The following HNRNPF variants were observed in gnomAD, a reference collection of about 807,000 sequenced individuals.
The protein encoded by HNRNPF is heterogeneous nuclear ribonucleoprotein F.
A neutral mutation model predicts 26.0 loss-of-function variants in HNRNPF; 2 were observed. That is an observed-to-expected ratio of 0.08 (90% CI 0.03 to 0.24). The LOEUF (loss-of-function observed/expected upper bound fraction) is 0.24, where lower values mean the gene tolerates loss of function less well. Among genes scored for constraint, HNRNPF ranks in the 10% least tolerant of loss-of-function variants. HNRNPF has a pLI of 1.00. For synonymous variants in HNRNPF, 234 were observed against 211.5 expected (o/e 1.11, Z -0.92); for missense variants, 299 against 539.2 (o/e 0.55, Z 4.41).
chr10:43,389,861 C>A (rs1397053320), intron 3 of HNRNPF, among the ~76,000 whole-genome samples: 1 of 152,170 alleles, frequency 6.6e-6, no homozygotes, highest in Admixed American at 6.5e-5. Context: ...GGGAGCCTAA[C>A]CTGGATTGCT....
intron 3 of HNRNPF, among the ~76,000 whole-genome samples, chr10:43,391,868 T>C (rs1838263008): frequency 2.0e-5 from 3 of 152,214 alleles, no homozygotes; most frequent in African/African-American, 7.2e-5. Flanking sequence ...TGTGCCAACT[T>C]TGCCTCTAGC....
At chr10:43,396,064 C>A (rs901046051) in intron 2 of HNRNPF, among the ~76,000 whole-genome samples, 3 of 152,214 alleles carry the variant, frequency 2.0e-5, no homozygotes, top group South Asian at 2.1e-4. Flanking sequence ...TAAAACAGAT[C>A]TGGGTGGGGG....
At chr10:43,397,669 C>A (rs1242031624) in intron 1 of HNRNPF, among the ~76,000 whole-genome samples, 1 of 152,182 alleles carries the variant, frequency 6.6e-6, no homozygotes, top group Non-Finnish European at 1.5e-5. Flanking sequence ...ATTTTTTTAA[C>A]GCAATTCCTA....
intron 3 of HNRNPF, among the ~76,000 whole-genome samples, chr10:43,391,366 G>A (rs1181522161): frequency 6.6e-6 from 1 of 151,770 alleles, no homozygotes; most frequent in African/African-American, 2.4e-5. Context: ...GCTGAGGCAA[G>A]AGAATCACCT....
At chr10:43,399,293 G>A (rs531980715) in intron 1 of HNRNPF, among the ~76,000 whole-genome samples, 8 of 152,154 alleles carry the variant, frequency 5.3e-5, no homozygotes, top group Non-Finnish European at 8.8e-5. Context: ...TCTCTATGAT[G>A]CCCAGACTGG....
intron 3 of HNRNPF, among the ~76,000 whole-genome samples, chr10:43,391,650 G>C (rs1838253318): frequency 6.9e-6 from 1 of 144,738 alleles, no homozygotes; most frequent in East Asian, 2.0e-4. Context: ...AGTGGACTTT[G>C]TGAAGTCAAG....
chr10:43,392,303 G>A (rs1001331999), intron 3 of HNRNPF, among the ~76,000 whole-genome samples: 1 of 152,206 alleles, frequency 6.6e-6, no homozygotes, highest in Non-Finnish European at 1.5e-5. Context: ...CACTTTGGGA[G>A]GCTGAGGCAG....
chr10:43,388,601 T>C (rs1272312446), intron 3 of HNRNPF, among the ~76,000 whole-genome samples: 1 of 152,256 alleles, frequency 6.6e-6, no homozygotes. Flanking sequence ...GACTTAGTTA[T>C]GTGCACTGCA....
In HNRNPF at chr10:43,385,714, G is replaced by A. The variant is rs752374095; in HGVS notation, c.*923C>T. 23 of 152,222 alleles carry A rather than the reference G, an allele frequency of 1.5e-4. No homozygotes were observed. Among genetic ancestry groups the A allele is most frequent in the Admixed American group, 6.5e-4 (10 of 15,286 alleles). The allele number at this position is 152,222 out of a possible 1,614,324, so 9.4% of individuals were successfully genotyped here. A position where few individuals can be genotyped will look rare whatever the true frequency, so the allele number is the denominator to read the frequency against. The stretch of plus-strand genomic sequence containing the variant: ...AAGTTCTCCAGCTATCAACAGATGT[G>A]ACTCCAGCATCAAGGGCCTAGCAGG... On this transcript the variant is annotated 3_prime_UTR_variant, in exon 4 of 4. Coordinates refer to ENST00000682386, the MANE Select transcript of HNRNPF (RefSeq NM_001098204.2).
intron 2 of HNRNPF, among the ~76,000 whole-genome samples, chr10:43,395,112 T>C (rs908586146): frequency 2.7e-5 from 4 of 147,274 alleles, no homozygotes; most frequent in African/African-American, 1.1e-4. Flanking sequence ...CCCTAAGTGC[T>C]GGGAGGAAAT....
Position 43,387,947 on chromosome 10 carries a change from AAAAAAG to A in HNRNPF, c.-52-17_-52-12del. 8.5e-6 allele frequency: 12 copies of A among 1,416,100 alleles called. No individual in the cohort carries two copies. Among genetic ancestry groups the A allele is most frequent in the Non-Finnish European group, 1.2e-5 (12 of 1,040,894 alleles). 87.7% of individuals were successfully genotyped at this position (1,416,100 alleles called of 1,614,324 possible). ...GTGGCTTTTTTGTGGCTGGAAAAAA[AAAAAAG>A]AAAAATTTATTTAGTATGCAACAGA... On this transcript the variant is annotated splice_polypyrimidine_tract_variant and intron_variant, in intron 3 of 3. Transcript: ENST00000682386. The surrounding 1 kb of genome is among the most constrained non-coding windows in gnomAD (Gnocchi z 6.0).
intron 3 of HNRNPF, among the ~76,000 whole-genome samples, chr10:43,391,609 T>A (rs1838251568): frequency 6.6e-6 from 1 of 151,828 alleles, no homozygotes; most frequent in African/African-American, 2.4e-5. Context: ...GACTCTCACC[T>A]CCTCTCCAGC....
Position 43,386,394 on chromosome 10 carries a change from C to T in HNRNPF, c.*243G>A, listed in dbSNP as rs1706939036. The T allele has an allele frequency of 6.9e-6, 3 of 437,712 alleles. No individual in the cohort carries two copies. The highest frequency in any genetic ancestry group is 1.2e-5 in the Non-Finnish European group (3 of 248,462). 27.1% of individuals were successfully genotyped at this position (437,712 alleles called of 1,614,324 possible). On this transcript the variant is annotated 3_prime_UTR_variant, in exon 4 of 4. Coordinates refer to ENST00000682386, the MANE Select transcript of HNRNPF (RefSeq NM_001098204.2). ...AACTACTTAAACTTAGATAACATCA[C>T]TCTGAAGTATACTACCAAAATGTTA...
chr10:43,393,101 C>T (rs558289300), intron 3 of HNRNPF, among the ~76,000 whole-genome samples: 1 of 152,236 alleles, frequency 6.6e-6, no homozygotes, highest in South Asian at 2.1e-4. Flanking sequence ...TCTTCCATTT[C>T]CTCAGCAATA....
chr10:43,395,769 G>C (rs1444210416), intron 2 of HNRNPF, among the ~76,000 whole-genome samples: 1 of 152,126 alleles, frequency 6.6e-6, no homozygotes, highest in Non-Finnish European at 1.5e-5. Flanking sequence ...TTATCCCTGC[G>C]TGATCCACAG....
At chr10:43,401,597 TGG>T (rs1564398667) in intron 1 of HNRNPF, among the ~76,000 whole-genome samples, 3 of 152,212 alleles carry the variant, frequency 2.0e-5, no homozygotes. Flanking sequence ...CTGGAGTAAC[TGG>T]AAATAATATC....
At position 43,386,598 on chromosome 10, in the gene HNRNPF, G is replaced by A. The variant is rs576923654; in HGVS notation, c.*39C>T. 2.3e-5 allele frequency: 34 copies of A among 1,498,512 alleles called. No homozygotes were observed. The African/African-American group carries it at 4.3e-4, about 19-fold the overall frequency. The allele number at this position is 1,498,512 out of a possible 1,614,324, so 92.8% of individuals were successfully genotyped here. Reference sequence around the variant, plus strand: ...GCTCTTAATTGCTTGTTGGCTGCCTGTGAAAATGATTGAAGTAACTCAAAT... The same window carrying A: ...GCTCTTAATTGCTTGTTGGCTGCCTATGAAAATGATTGAAGTAACTCAAAT... On this transcript the variant is annotated 3_prime_UTR_variant, in exon 4 of 4. Coordinates refer to ENST00000682386, the MANE Select transcript of HNRNPF (RefSeq NM_001098204.2).
Position 43,405,975 on chromosome 10 carries a change from G to T in HNRNPF, c.-247+3156C>A, listed in dbSNP as rs776700950. On this transcript the variant is annotated intron_variant, in intron 1 of 3. Coordinates refer to ENST00000682386, the MANE Select transcript of HNRNPF (RefSeq NM_001098204.2). ...TCCAACTTGGGACCCAGTTGGGACTGGGTCCCAAGTCCCAATTGTGTCCCT... is the reference window on the plus strand; with the variant it reads ...TCCAACTTGGGACCCAGTTGGGACTTGGTCCCAAGTCCCAATTGTGTCCCT... Among the ~76,000 whole-genome samples, 66 of 152,092 alleles carry T rather than the reference G, an allele frequency of 4.3e-4. 1 individual carries two copies. The highest frequency in any genetic ancestry group is 1.0e-3 in the South Asian group (5 of 4,822).
Position 43,385,767 on chromosome 10 carries a change from A to T in HNRNPF, c.*870T>A, listed in dbSNP as rs1478499842. 1 of 152,266 alleles carries T rather than the reference A, an allele frequency of 6.6e-6. No homozygotes were observed. Among genetic ancestry groups the T allele is most frequent in the Non-Finnish European group, 1.5e-5 (1 of 68,046 alleles). The allele number at this position is 152,266 out of a possible 1,614,324, so 9.4% of individuals were successfully genotyped here. A position where few individuals can be genotyped will look rare whatever the true frequency, so the allele number is the denominator to read the frequency against. On this transcript the variant is annotated 3_prime_UTR_variant, in exon 4 of 4. Coordinates refer to ENST00000682386, the MANE Select transcript of HNRNPF (RefSeq NM_001098204.2). ...AATTCTGAATGGTTTACAACAGTGC[A>T]CATAAGTTGCAGGTGGCTGGGGCCG...
Sources: gnomAD v4.1 joint callset for allele counts (sites outside exome capture counted in the v4.1 genomes callset) on GRCh38, gnomAD v4.1.1 for gene constraint, Gnocchi (gnomAD v3.1) non-coding constraint, MANE v1.5 for transcripts, NCBI Gene and HGNC (gene_info 2026-07-23, HGNC 2026-07-21) for gene names.